The following ATP10D variants were observed in gnomAD, a reference collection of about 807,000 sequenced individuals.
The protein encoded by ATP10D is ATPase phospholipid transporting 10D (putative).
Under a neutral mutation model 144.8 loss-of-function variants are expected in ATP10D, and 89 were observed. The ratio of observed to expected loss-of-function variants is 0.61; its 90% CI spans 0.52 to 0.73. The LOEUF is 0.73. ATP10D is among the 30% of genes least tolerant of loss of function. ATP10D has a pLI of 0.00. For missense variants in ATP10D, 1,603 were observed against 1,714.8 expected, an observed-to-expected ratio of 0.93 and a Z score of 1.15; for synonymous variants, 571 against 615.1, an observed-to-expected ratio of 0.93 and a Z score of 1.06.
At chr4:47,513,183 G>T (rs1182707980) in intron 2 of ATP10D, among the ~76,000 whole-genome samples, 2 of 152,118 alleles carry the variant, frequency 1.3e-5, no homozygotes, top group African/African-American at 4.8e-5. Flanking sequence ...GAAACCACGC[G>T]CATTTTAATT....
intron 1 of ATP10D, among the ~76,000 whole-genome samples, chr4:47,486,162 A>G (rs1560401045): frequency 6.6e-6 from 1 of 152,292 alleles, no homozygotes; most frequent in African/African-American, 2.4e-5. Context: ...TATTCGGGGC[A>G]CCCTTTATTT....
chr4:47,535,758 T>C (rs1717812794), intron 6 of ATP10D, 143 bp downstream of exon 6: 3 of 1,318,888 alleles, frequency 2.3e-6, no homozygotes, highest in South Asian at 3.1e-5. Flanking sequence ...TTTTTCTAAA[T>C]GGATCACAAA....
In ATP10D at chr4:47,557,898, A is replaced by C; in HGVS notation, c.2059A>C (p.Ser687Arg). The part of the protein sequence containing the change: ...SQVCESPQCS[S>R]SSACCTETEK... ...GGTGTGTGAGAGCCCCCAGTGCTCC[A>C]GTAGCTCAGCTTGCTGCACAGAAAC... Residue 687 changes from serine to arginine, a missense_variant, in exon 12 of 23, where the codon AGT becomes CGT. Physicochemically the swap from Ser to Arg is moderately radical, Grantham distance 110 (BLOSUM62 -1). Transcript: ENST00000273859. 6.2e-7 allele frequency: 1 copy of C among 1,614,228 alleles called. No homozygotes were observed.
At chr4:47,529,351 A>G (rs1349999827) in intron 5 of ATP10D, among the ~76,000 whole-genome samples, 1 of 152,098 alleles carries the variant, frequency 6.6e-6, no homozygotes. Context: ...TTATTCTTCT[A>G]CATATGCCTA....
At chr4:47,489,119 A>G (rs1402940549) in intron 1 of ATP10D, among the ~76,000 whole-genome samples, 1 of 152,242 alleles carries the variant, frequency 6.6e-6, no homozygotes, top group Non-Finnish European at 1.5e-5. Flanking sequence ...AGAAATAGAT[A>G]TAAATGAGCA....
chr4:47,501,515 C>T (rs1361241320), intron 1 of ATP10D, among the ~76,000 whole-genome samples: 1 of 152,178 alleles, frequency 6.6e-6, no homozygotes, highest in Non-Finnish European at 1.5e-5. Flanking sequence ...CTCCTATTCT[C>T]TCTCCCAACC....
Position 47,588,539 on chromosome 4 carries a change from TC to T in ATP10D, c.3941+1336del, listed in dbSNP as rs148764478. The stretch of plus-strand genomic sequence containing the variant: ...ATAGTTCCAACAAAGTTTGTCTGGC[TC>T]CCAGTGCCTAAAATATTACTATCCA... On this transcript the variant is annotated intron_variant, in intron 22 of 22. Transcript: ENST00000273859. Among the ~76,000 whole-genome samples, 1,472 of 152,278 alleles carry T rather than the reference TC, an allele frequency of 9.7e-3. 25 individuals are homozygous for T. The highest frequency in any genetic ancestry group is 0.033 in the African/African-American group (1,363 of 41,560).
At chr4:47,544,385 T>A (rs1171131937) in intron 9 of ATP10D, among the ~76,000 whole-genome samples, 1 of 152,182 alleles carries the variant, frequency 6.6e-6, no homozygotes, top group African/African-American at 2.4e-5. Flanking sequence ...TGTTCAGTAT[T>A]TATGTAAATA....
At chr4:47,500,667 C>T (rs981305393) in intron 1 of ATP10D, among the ~76,000 whole-genome samples, 6 of 152,150 alleles carry the variant, frequency 3.9e-5, no homozygotes, top group African/African-American at 1.2e-4. Flanking sequence ...GTGCTTGGAC[C>T]TCCATTTGCA....
intron 9 of ATP10D, among the ~76,000 whole-genome samples, chr4:47,543,639 G>A (rs1184965672): frequency 6.6e-6 from 1 of 152,128 alleles, no homozygotes; most frequent in Non-Finnish European, 1.5e-5. Context: ...ATAATATAGT[G>A]GGTAGTGTGC....
intron 10 of ATP10D, among the ~76,000 whole-genome samples, chr4:47,550,352 C>A (rs1041389055): frequency 6.6e-6 from 1 of 151,996 alleles, no homozygotes; most frequent in Non-Finnish European, 1.5e-5. Flanking sequence ...AAAGATTCAA[C>A]CAACACTATT....
At chr4:47,550,995 C>G (rs991408584) in intron 10 of ATP10D, among the ~76,000 whole-genome samples, 1 of 152,244 alleles carries the variant, frequency 6.6e-6, no homozygotes, top group African/African-American at 2.4e-5. Flanking sequence ...TAGCCGTTGC[C>G]GGCTCCAATG....
At chr4:47,553,287 TG>T (rs1283030700) in intron 10 of ATP10D, among the ~76,000 whole-genome samples, 1 of 152,216 alleles carries the variant, frequency 6.6e-6, no homozygotes, top group Non-Finnish European at 1.5e-5. Flanking sequence ...CATGAGAGAA[TG>T]TGACCAACTT....
At chr4:47,491,482 T>C in intron 1 of ATP10D, 2 of 671,096 alleles carry the variant, frequency 3.0e-6, no homozygotes, top group South Asian at 2.9e-5. Context: ...TACTGGAAGA[T>C]GGTGGTTCTG....
chr4:47,525,547 A>G lies in ATP10D; in HGVS notation c.691-10A>G, dbSNP rs762155872. ...GAATTCTTATTTTGTGATTCAAAAA[A>G]TATTTTTAGGACTCTGAAGTTGATC... is the stretch of plus-strand genomic sequence containing the variant. On this transcript the variant is annotated splice_polypyrimidine_tract_variant and intron_variant, in intron 4 of 22. Transcript: ENST00000273859. 1.2e-5 allele frequency: 19 copies of G among 1,598,522 alleles called. No individual in the cohort carries two copies. Among genetic ancestry groups the G allele is most frequent in the Non-Finnish European group, 1.6e-5 (19 of 1,166,584 alleles).
chr4:47,486,769 T>A (rs941277748), intron 1 of ATP10D, among the ~76,000 whole-genome samples: 3 of 152,306 alleles, frequency 2.0e-5, no homozygotes, highest in Admixed American at 1.3e-4. Context: ...TTAGCAACAT[T>A]TTAAAGTTTT....
intron 1 of ATP10D, among the ~76,000 whole-genome samples, chr4:47,500,809 C>T (rs1715643724): frequency 6.6e-6 from 1 of 152,024 alleles, no homozygotes; most frequent in Admixed American, 6.6e-5. Context: ...GAAACAAGGT[C>T]ATCACCAGGA....
chr4:47,589,904 A>G (rs1224351298), intron 22 of ATP10D, among the ~76,000 whole-genome samples: 1 of 152,146 alleles, frequency 6.6e-6, no homozygotes, highest in Non-Finnish European at 1.5e-5. Context: ...TAATATGAAA[A>G]CAATCTTGCA....
intron 7 of ATP10D, 89 bp from the exon 8 acceptor site, chr4:47,536,348 A>G: frequency 2.7e-6 from 4 of 1,481,364 alleles, no homozygotes; most frequent in African/African-American, 1.4e-5. Context: ...CAAAATGAAT[A>G]CTCTCATTCC....
Sources: gnomAD v4.1 joint callset for allele counts (sites outside exome capture counted in the v4.1 genomes callset) on GRCh38, gnomAD v4.1.1 for gene constraint, MANE v1.5 for transcripts, NCBI Gene and HGNC (gene_info 2026-07-23, HGNC 2026-07-21) for gene names.